The following PALLD variants were observed in gnomAD, a reference collection of about 807,000 sequenced individuals.
PALLD encodes palladin, cytoskeletal associated protein.
A neutral mutation model predicts 123.5 loss-of-function variants in PALLD; 61 were observed. The ratio of observed to expected loss-of-function variants is 0.49; its 90% CI spans 0.40 to 0.61. PALLD has a LOEUF of 0.61. PALLD is among the 20% of genes least tolerant of loss of function. The probability of loss-of-function intolerance (pLI) is 0.00; values close to 1 mark genes in which losing one functional copy is unlikely to be tolerated. For missense variants in PALLD, 1,273 were observed against 1,377.0 expected (o/e 0.92, Z 1.20); for synonymous variants, 465 against 496.4 (o/e 0.94, Z 0.84).
At chr4:168,741,927 C>T (rs1019264974) in intron 10 of PALLD, among the ~76,000 whole-genome samples, 34 of 152,246 alleles carry the variant, frequency 2.2e-4, no homozygotes, top group African/African-American at 7.9e-4. Context: ...TGTCAGAGCA[C>T]GCCAAAGCCC....
chr4:168,755,164 C>T (rs771499043), intron 10 of PALLD, among the ~76,000 whole-genome samples: 30 of 143,358 alleles, frequency 2.1e-4, no homozygotes, highest in African/African-American at 4.4e-4. Context: ...GCCTGGGAGG[C>T]GGAGCTTGCG....
At chr4:168,726,743 C>A (rs1786625969) in intron 10 of PALLD, among the ~76,000 whole-genome samples, 1 of 150,256 alleles carries the variant, frequency 6.7e-6, no homozygotes, top group Non-Finnish European at 1.5e-5. Flanking sequence ...AGATGAGATG[C>A]TGTCCCTTTA....
chr4:168,897,843 T>C (rs940286529), intron 13 of PALLD: 1 of 151,590 alleles, frequency 6.6e-6, no homozygotes, highest in African/African-American at 2.4e-5. Context: ...TAAAGCAAAA[T>C]TTTGGCTAGA....
At chr4:168,605,649 C>T (rs1281961457) in intron 2 of PALLD, among the ~76,000 whole-genome samples, 1 of 152,194 alleles carries the variant, frequency 6.6e-6, no homozygotes, top group East Asian at 1.9e-4. Context: ...GCAGAGCTGT[C>T]TGGACACACT....
At chr4:168,714,218 TCTTC>T (rs1785119483) in intron 10 of PALLD, among the ~76,000 whole-genome samples, 1 of 152,136 alleles carries the variant, frequency 6.6e-6, no homozygotes, top group South Asian at 2.1e-4. Context: ...CTGCTTCCCT[TCTTC>T]CAACCCAGCC....
intron 2 of PALLD, among the ~76,000 whole-genome samples, chr4:168,567,604 A>G (rs1023696080): frequency 6.7e-6 from 1 of 149,032 alleles, no homozygotes; most frequent in Non-Finnish European, 1.5e-5. Flanking sequence ...TATATAATAT[A>G]TATAATATAC....
chr4:168,747,607 G>A (rs1233366645), intron 10 of PALLD, among the ~76,000 whole-genome samples: 2 of 152,182 alleles, frequency 1.3e-5, no homozygotes, highest in African/African-American at 2.4e-5. Flanking sequence ...TTAATTGTTT[G>A]TAGAGAAAGA....
At position 168,785,844 on chromosome 4, in the gene PALLD, G is replaced by GATATATATATATATAT. The variant is rs1230880749; in HGVS notation, c.1964+73922_1964+73923insTATATATATATATATA. 1.1e-3 allele frequency among the ~76,000 whole-genome samples: 59 copies of GATATATATATATATAT among 53,174 alleles called. 1 individual carries two copies. The highest frequency in any genetic ancestry group is 3.6e-3 in the East Asian group (11 of 3,026). 34.9% of individuals were successfully genotyped at this position (53,174 alleles called of 152,430 possible). ...ACAGAGTCAGTTCTAATAAACTGTA[G>GATATATATATATATAT]AGATATATATATATATATATATATA... On this transcript the variant is annotated intron_variant, in intron 10 of 21. Coordinates refer to ENST00000505667, the MANE Select transcript of PALLD (RefSeq NM_001166108.2).
At chr4:168,676,831 G>A (rs1182882343) in intron 3 of PALLD, among the ~76,000 whole-genome samples, 3 of 151,552 alleles carry the variant, frequency 2.0e-5, no homozygotes, top group Admixed American at 6.6e-5. Flanking sequence ...CGCCCACCTC[G>A]GCCTCCCAAA....
chr4:168,596,360 G>A (rs186283754), intron 2 of PALLD, among the ~76,000 whole-genome samples: 1 of 152,224 alleles, frequency 6.6e-6, no homozygotes, highest in Admixed American at 6.5e-5. Context: ...TCTTAATGAA[G>A]CAGCATTTAA....
intron 10 of PALLD, among the ~76,000 whole-genome samples, chr4:168,755,232 C>CA (rs34076268): frequency 0.017 from 1,761 of 104,204 alleles, 22 homozygotes; most frequent in African/African-American, 0.032. Context: ...GACTCCGTCT[C>CA]AAAAAAAAAA....
intron 2 of PALLD, among the ~76,000 whole-genome samples, chr4:168,518,730 T>C (rs1046666627): frequency 6.6e-6 from 1 of 152,272 alleles, no homozygotes; most frequent in Non-Finnish European, 1.5e-5. Flanking sequence ...CTTTTCTCCA[T>C]AGATCTCATG....
rs72984658 is a variant in PALLD, at chr4:168,731,496, G to A, written c.1964+19573G>A. On this transcript the variant is annotated intron_variant, in intron 10 of 21. Coordinates refer to ENST00000505667, the MANE Select transcript of PALLD (RefSeq NM_001166108.2). ...ACCTACTTCACAGGAGTGTGGTCAC[G>A]TGAAATAATGTGCTAGCACAGGGCA... 0.031 allele frequency among the ~76,000 whole-genome samples: 4,754 copies of A among 152,310 alleles called. 340 individuals carry two copies. The East Asian group carries it at 0.32, about 10-fold the overall frequency.
At chr4:168,899,954 G>A (rs1235847036) in intron 14 of PALLD, among the ~76,000 whole-genome samples, 1 of 152,034 alleles carries the variant, frequency 6.6e-6, no homozygotes, top group Non-Finnish European at 1.5e-5. Context: ...GGCTTTACTG[G>A]CTCACAGTTC....
At chr4:168,847,258 T>C (rs989272954) in intron 10 of PALLD, among the ~76,000 whole-genome samples, 4 of 152,220 alleles carry the variant, frequency 2.6e-5, no homozygotes, top group African/African-American at 9.6e-5. Context: ...AAATTAGTTG[T>C]ACAGGCAGCT....
At chr4:168,694,183 T>G (rs1372870807) in intron 8 of PALLD, among the ~76,000 whole-genome samples, 1 of 152,224 alleles carries the variant, frequency 6.6e-6, no homozygotes, top group Non-Finnish European at 1.5e-5. Context: ...TATAGAAGTA[T>G]GTAGGAACCG....
intron 2 of PALLD, among the ~76,000 whole-genome samples, chr4:168,558,341 A>G (rs1373623049): frequency 6.6e-6 from 1 of 152,216 alleles, no homozygotes; most frequent in African/African-American, 2.4e-5. Context: ...ACCCCAGTCC[A>G]TGGTACACTT....
intron 21 of PALLD, among the ~76,000 whole-genome samples, chr4:168,925,689 A>ATTCTT (rs1762443709): frequency 1.3e-5 from 2 of 152,202 alleles, no homozygotes; most frequent in Non-Finnish European, 2.9e-5. Flanking sequence ...ACATAAAAAA[A>ATTCTT]ACACTAGAAA....
In PALLD at chr4:168,922,554, G is replaced by A. The variant is rs115956960; in HGVS notation, c.3058+813G>A. Among the ~76,000 whole-genome samples, 450 of 152,216 alleles carry A rather than the reference G, an allele frequency of 3.0e-3. 2 individuals are homozygous for A. The highest frequency in any genetic ancestry group is 0.01 in the African/African-American group (421 of 41,524). ...CCTAGTGCTCTTCTAAACACACTAC[G>A]TCACTGAGCTCTTTCAAGAAATAGA... On this transcript the variant is annotated intron_variant, in intron 18 of 21. Transcript: ENST00000505667.
Sources: gnomAD v4.1 joint callset for allele counts (sites outside exome capture counted in the v4.1 genomes callset) on GRCh38, gnomAD v4.1.1 for gene constraint, MANE v1.5 for transcripts, NCBI Gene and HGNC (gene_info 2026-07-23, HGNC 2026-07-21) for gene names.